Variants in GNL3L observed in about 807,000 individuals in gnomAD.
The protein encoded by GNL3L is guanine nucleotide-binding protein-like 3-like protein.
Under a neutral mutation model 42.9 loss-of-function variants are expected in GNL3L, and 4 were observed. The ratio of observed to expected loss-of-function variants is 0.09; its 90% CI spans 0.05 to 0.21. The LOEUF is 0.21. Ranked by LOEUF, GNL3L falls within the 10% of genes least tolerant of loss-of-function variation. The probability of loss-of-function intolerance (pLI) is 1.00; values close to 1 mark genes in which losing one functional copy is unlikely to be tolerated. For missense variants in GNL3L, 412 were observed against 481.7 expected, an observed-to-expected ratio of 0.86 and a Z score of 1.36; for synonymous variants, 159 against 176.3, an observed-to-expected ratio of 0.90 and a Z score of 0.78.
In GNL3L at chrX:54,564,858, C is replaced by T. The variant is rs774427208; in HGVS notation, c.*4256C>T. 9.4e-6 allele frequency among the ~76,000 whole-genome samples: 1 copy of T among 106,468 alleles called. No individual in the cohort carries two copies. The highest frequency in any genetic ancestry group is 2.9e-4 in the East Asian group (1 of 3,419). 92.5% of individuals were successfully genotyped at this position (106,468 alleles called of 115,157 possible). Reference sequence around the variant, plus strand: ...AAGCGATTCTCCTGCCTTAGCCTCCCGAGTAACAGGGACTACAGGTGCCCA... The same window carrying T: ...AAGCGATTCTCCTGCCTTAGCCTCCTGAGTAACAGGGACTACAGGTGCCCA... On this transcript the variant is annotated 3_prime_UTR_variant, in exon 16 of 16. Coordinates refer to ENST00000360845, the MANE Select transcript of GNL3L (RefSeq NM_001184819.2).
At chrX:54,628,621 AT>A in the GNL3L span, among the ~76,000 whole-genome samples, 3 of 107,399 alleles carry the variant, frequency 2.8e-5, no homozygotes, top group South Asian at 3.9e-4. Flanking sequence ...GACGTTGAGC[AT>A]TTTTTTTCAT....
chrX:54,576,938 G>A (rs1436021582), intron 16 of GNL3L, among the ~76,000 whole-genome samples: 1 of 111,113 alleles, frequency 9.0e-6, no homozygotes, highest in African/African-American at 3.3e-5. Context: ...ACCATTTTTA[G>A]GAGAACAGTT....
chrX:54,562,192 C>T lies in GNL3L; in HGVS notation c.*1590C>T, dbSNP rs1002283720. Among the ~76,000 whole-genome samples, 1 of 111,970 alleles carries T rather than the reference C, an allele frequency of 8.9e-6. No homozygotes were observed. Among genetic ancestry groups the T allele is most frequent in the Non-Finnish European group, 1.9e-5 (1 of 53,169 alleles). ...TCCCAAGTAGCTGGGATTACAGGCA[C>T]CTGCCACCACGCCTGGCTAGTTTTT... On this transcript the variant is annotated 3_prime_UTR_variant, in exon 16 of 16. Transcript: ENST00000360845.
intron 16 of GNL3L, among the ~76,000 whole-genome samples, chrX:54,618,898 A>T (rs747209680): frequency 3.0e-4 from 33 of 111,106 alleles, no homozygotes; most frequent in East Asian, 2.6e-3. Flanking sequence ...CCCTGTTTTT[A>T]AAAAAAACCC....
At chrX:54,553,689 A>C (rs1925007743) in intron 13 of GNL3L, among the ~76,000 whole-genome samples, 1 of 110,946 alleles carries the variant, frequency 9.0e-6, no homozygotes, top group South Asian at 3.8e-4. Context: ...ATAGGTGTGC[A>C]CCACCACGCC....
chrX:54,579,483 A>G (rs1925677225), intron 16 of GNL3L, among the ~76,000 whole-genome samples: 1 of 112,088 alleles, frequency 8.9e-6, no homozygotes, highest in Non-Finnish European at 1.9e-5. Flanking sequence ...TCCAGGGCTC[A>G]AGCCATCCTC....
chrX:54,607,135 T>G lies in GNL3L; in HGVS notation c.*46-13710T>G, dbSNP rs1272513150. ...TTTCTTTCTTTCTTTCTTTCTTTCT[T>G]TCTTTGTCTCTCTCTCTCTCTCTTT... On this transcript the variant is annotated intron_variant, in intron 16 of 16. Coordinates refer to the GNL3L transcript ENST00000674498. Among the ~76,000 whole-genome samples, 83 of 86,947 alleles carry G rather than the reference T, an allele frequency of 9.5e-4. 4 individuals are homozygous for G. Among genetic ancestry groups the G allele is most frequent in the African/African-American group, 3.8e-3 (75 of 19,485 alleles). 75.5% of individuals were successfully genotyped at this position (86,947 alleles called of 115,157 possible). A position where few individuals can be genotyped will look rare whatever the true frequency, so the allele number is the denominator to read the frequency against.
chrX:54,556,951 C>T (rs1417384216), intron 14 of GNL3L, among the ~76,000 whole-genome samples: 2 of 110,489 alleles, frequency 1.8e-5, no homozygotes, highest in Non-Finnish European at 3.8e-5. Context: ...GAAGCCAAGG[C>T]GGGTGGATCA....
intron 16 of GNL3L, among the ~76,000 whole-genome samples, chrX:54,581,716 C>T (rs1364502152): frequency 8.9e-6 from 1 of 112,147 alleles, no homozygotes; most frequent in African/African-American, 3.2e-5. Flanking sequence ...TTTGGAGATT[C>T]GTCCAGGTTG....
At position 54,589,071 on chromosome X, in the gene GNL3L, A is replaced by C. The variant is rs779699757; in HGVS notation, c.*45+28424A>C. Among the ~76,000 whole-genome samples, 4 of 111,318 alleles carry C rather than the reference A, an allele frequency of 3.6e-5. No homozygotes were observed. The Admixed American group carries it at 3.8e-4, about 11-fold the overall frequency. On this transcript the variant is annotated intron_variant, in intron 16 of 16. Transcript: ENST00000674498. ...ATAGGTATATATGTTTATGGAATACATGAGATGTTTTGATACAGGCATGCA... is the reference window on the plus strand; with the variant it reads ...ATAGGTATATATGTTTATGGAATACCTGAGATGTTTTGATACAGGCATGCA...
chrX:54,619,294 G>T (rs1926258766), intron 16 of GNL3L, among the ~76,000 whole-genome samples: 1 of 110,898 alleles, frequency 9.0e-6, no homozygotes, highest in African/African-American at 3.3e-5. Flanking sequence ...TTACTAAGCT[G>T]CTTTTAAAAA....
the GNL3L span, among the ~76,000 whole-genome samples, chrX:54,629,745 G>A: frequency 3.7e-3 from 411 of 111,218 alleles, 2 homozygotes; most frequent in African/African-American, 0.013. Flanking sequence ...TCCTCTCCTG[G>A]TTTTGGTATT....
Position 54,594,553 on chromosome X carries a change from T to TA in GNL3L, c.*46-26292_*46-26291insA, listed in dbSNP as rs201541476. Among the ~76,000 whole-genome samples, 69 of 105,439 alleles carry TA rather than the reference T, an allele frequency of 6.5e-4. 1 individual carries two copies. The highest frequency in any genetic ancestry group is 1.7e-3 in the African/African-American group (47 of 27,035). 91.6% of individuals were successfully genotyped at this position (105,439 alleles called of 115,157 possible). On this transcript the variant is annotated intron_variant, in intron 16 of 16. Coordinates refer to the GNL3L transcript ENST00000674498. ...CAGATCATTGGGCCTTTTTTTTTTT[T>TA]TAAAAAAAAATCTATTCAGCCACTC...
chrX:54,595,289 G>A (rs188961236), intron 16 of GNL3L, among the ~76,000 whole-genome samples: 23 of 109,908 alleles, frequency 2.1e-4, no homozygotes, highest in African/African-American at 7.3e-4. Flanking sequence ...TTTTTTTTCC[G>A]CTGGATATGC....
chrX:54,562,774 C>G lies in GNL3L; in HGVS notation c.*2172C>G, dbSNP rs1470841003. ...CACCACTGCACTCCAGCCTGGGGGA[C>G]AGAGTGAGACTTCGTCTCGGAAAAA... On this transcript the variant is annotated 3_prime_UTR_variant, in exon 16 of 16. Transcript: ENST00000360845. 9.6e-6 allele frequency among the ~76,000 whole-genome samples: 1 copy of G among 103,941 alleles called. No individual in the cohort carries two copies. Among genetic ancestry groups the G allele is most frequent in the African/African-American group, 3.6e-5 (1 of 28,140 alleles). 90.3% of individuals were successfully genotyped at this position (103,941 alleles called of 115,157 possible).
chrX:54,634,981 A>G, the GNL3L span, among the ~76,000 whole-genome samples: 14 of 108,040 alleles, frequency 1.3e-4, no homozygotes, highest in Non-Finnish European at 1.3e-4. Flanking sequence ...TAGTAGAGAC[A>G]GGGTTTTGCC....
At chrX:54,543,645 T>C (rs1924689451) in intron 7 of GNL3L, among the ~76,000 whole-genome samples, 1 of 111,028 alleles carries the variant, frequency 9.0e-6, no homozygotes, top group African/African-American at 3.3e-5. Context: ...GCACATGGGC[T>C]CAGGAGTCAC....
downstream of GNL3L, among the ~76,000 whole-genome samples, chrX:54,572,262 C>T (rs1352580287): frequency 9.2e-6 from 1 of 108,677 alleles, no homozygotes; most frequent in Non-Finnish European, 1.9e-5. Context: ...CTTGCACCGC[C>T]CTTAATCCAT....
chrX:54,573,513 G>GGGGAGA (rs1169065436), intron 16 of GNL3L, among the ~76,000 whole-genome samples: 4 of 105,209 alleles, frequency 3.8e-5, no homozygotes, highest in Non-Finnish European at 7.6e-5. Context: ...GGGAGACCAT[G>GGGGAGA]GGGAGAGGGA....
Sources: allele counts gnomAD v4.1 joint callset (sites outside exome capture counted in the v4.1 genomes callset), GRCh38; gene constraint gnomAD v4.1.1; transcripts MANE v1.5; gene names NCBI Gene and HGNC (gene_info 2026-07-23, HGNC 2026-07-21).